SLC44A5: variants seen among roughly 807,000 people sequenced by gnomAD.
The protein encoded by SLC44A5 is solute carrier family 44 member 5.
In SLC44A5, 57 loss-of-function variants were observed where a neutral mutation model predicts 101.8. The observed-to-expected ratio is 0.56, with a 90% CI of 0.45 to 0.70. SLC44A5 has a LOEUF of 0.70. Among genes scored for constraint, SLC44A5 ranks in the 30% least tolerant of loss-of-function variants. The probability of loss-of-function intolerance (pLI) is 0.00; values close to 1 mark genes in which losing one functional copy is unlikely to be tolerated. For missense variants in SLC44A5, 737 were observed against 853.1 expected, an observed-to-expected ratio of 0.86 and a Z score of 1.70; for synonymous variants, 281 against 290.9, an observed-to-expected ratio of 0.97 and a Z score of 0.35.
chr1:75,364,026 C>A (rs906463713), intron 3 of SLC44A5, among the ~76,000 whole-genome samples: 1 of 152,150 alleles, frequency 6.6e-6, no homozygotes, highest in Non-Finnish European at 1.5e-5. Flanking sequence ...GCTAAGAAAT[C>A]TGCTGACAGA....
chr1:75,479,237 G>A (rs1218562367), intron 2 of SLC44A5, among the ~76,000 whole-genome samples: 1 of 152,206 alleles, frequency 6.6e-6, no homozygotes, highest in Non-Finnish European at 1.5e-5. Flanking sequence ...GAATGTCTGG[G>A]ACATATTCAA....
chr1:75,712,126 T>C, the SLC44A5 span, among the ~76,000 whole-genome samples: 2 of 152,234 alleles, frequency 1.3e-5, no homozygotes, highest in African/African-American at 4.8e-5. Flanking sequence ...CTCTTGCCCC[T>C]AACTTGTTTC....
intron 1 of SLC44A5, among the ~76,000 whole-genome samples, chr1:75,563,431 T>C (rs1672626789): frequency 6.6e-6 from 1 of 152,090 alleles, no homozygotes; most frequent in Non-Finnish European, 1.5e-5. Flanking sequence ...CTTTGTCTGC[T>C]CTACATACTC....
intron 1 of SLC44A5, among the ~76,000 whole-genome samples, chr1:75,549,602 A>C (rs1671829854): frequency 6.6e-6 from 1 of 152,290 alleles, no homozygotes; most frequent in Admixed American, 6.5e-5. Context: ...AAAAATAGTT[A>C]TACTTTAATT....
chr1:75,350,638 T>C (rs1658575451), intron 3 of SLC44A5, among the ~76,000 whole-genome samples: 1 of 151,672 alleles, frequency 6.6e-6, no homozygotes, highest in Admixed American at 6.6e-5. Flanking sequence ...CTCACGCCTG[T>C]AATCCCAACA....
intron 1 of SLC44A5, among the ~76,000 whole-genome samples, chr1:75,560,646 T>C (rs2102007133): frequency 6.6e-6 from 1 of 152,316 alleles, no homozygotes; most frequent in East Asian, 1.9e-4. Flanking sequence ...TGGTTTCTAA[T>C]TGTCCCAGTA....
chr1:75,303,513 C>A (rs749176110), intron 4 of SLC44A5, among the ~76,000 whole-genome samples: 6 of 152,210 alleles, frequency 3.9e-5, no homozygotes, highest in Non-Finnish European at 8.8e-5. Flanking sequence ...GGATTACGGG[C>A]GTGAGCCACC....
chr1:75,710,022 T>C, the SLC44A5 span: 1 of 152,190 alleles, frequency 6.6e-6, no homozygotes, highest in Non-Finnish European at 1.5e-5. Context: ...ATTCCATTTA[T>C]ATAAAATTCT....
chr1:75,539,907 C>G (rs1671265040), intron 2 of SLC44A5, among the ~76,000 whole-genome samples: 1 of 152,114 alleles, frequency 6.6e-6, no homozygotes, highest in Admixed American at 6.5e-5. Context: ...GATAAATGAG[C>G]AACATAGAAA....
At chr1:75,289,719 G>T (rs1653375636) in intron 5 of SLC44A5, among the ~76,000 whole-genome samples, 1 of 152,186 alleles carries the variant, frequency 6.6e-6, no homozygotes, top group East Asian at 1.9e-4. Flanking sequence ...AATTAAACCA[G>T]ATTTATAGAC....
At chr1:75,353,454 TTGTC>T (rs970080869) in intron 3 of SLC44A5, among the ~76,000 whole-genome samples, 3 of 152,216 alleles carry the variant, frequency 2.0e-5, no homozygotes, top group Non-Finnish European at 4.4e-5. Context: ...GGCAGGAACT[TTGTC>T]TGTTTTGTTC....
chr1:75,284,628 T>C (rs545658281), intron 5 of SLC44A5, among the ~76,000 whole-genome samples: 1 of 152,254 alleles, frequency 6.6e-6, no homozygotes, highest in South Asian at 2.1e-4. Context: ...CAGTTTAGTA[T>C]AATGTTGGCT....
upstream of SLC44A5, among the ~76,000 whole-genome samples, chr1:75,613,467 T>C (rs543056159): frequency 2.0e-4 from 31 of 152,330 alleles, no homozygotes; most frequent in Non-Finnish European, 3.7e-4. Context: ...CTGTCATCTA[T>C]CAAATATCAC....
intron 2 of SLC44A5, among the ~76,000 whole-genome samples, chr1:75,479,254 G>A (rs544672717): frequency 6.6e-6 from 1 of 152,330 alleles, no homozygotes; most frequent in South Asian, 2.1e-4. Context: ...TCAAAGCAGT[G>A]TGTAGCGGGA....
At chr1:75,312,530 C>T (rs547004145) in intron 4 of SLC44A5, among the ~76,000 whole-genome samples, 1 of 151,834 alleles carries the variant, frequency 6.6e-6, no homozygotes, top group African/African-American at 2.4e-5. Context: ...GTTACAGAAG[C>T]GAGTTTGGTT....
chr1:75,626,632 C>A, the SLC44A5 span, among the ~76,000 whole-genome samples: 1 of 152,068 alleles, frequency 6.6e-6, no homozygotes, highest in Non-Finnish European at 1.5e-5. Context: ...CTTTTCTAGC[C>A]AAATCTTTAT....
At chr1:75,286,425 C>T (rs663722) in intron 5 of SLC44A5, among the ~76,000 whole-genome samples, 10,425 of 152,060 alleles carry the variant, frequency 0.069, 1,231 homozygotes, top group African/African-American at 0.24. Context: ...TTGTCCATTC[C>T]GCCAATCCAA....
At chr1:75,719,747 C>T in the SLC44A5 span, among the ~76,000 whole-genome samples, 1 of 152,136 alleles carries the variant, frequency 6.6e-6, no homozygotes, top group Non-Finnish European at 1.5e-5. Flanking sequence ...TGTTGTTTTA[C>T]TTCCGAGAAA....
the SLC44A5 span, among the ~76,000 whole-genome samples, chr1:75,653,298 A>G: frequency 3.3e-5 from 5 of 152,292 alleles, no homozygotes; most frequent in East Asian, 1.9e-4. Context: ...CCTGGCCAAC[A>G]TGGTGAAACC....
Sources: gnomAD v4.1 joint callset for allele counts (sites outside exome capture counted in the v4.1 genomes callset) on GRCh38, gnomAD v4.1.1 for gene constraint, MANE v1.5 for transcripts, NCBI Gene and HGNC (gene_info 2026-07-23, HGNC 2026-07-21) for gene names.